Variants in DTNBP1 observed in about 807,000 individuals in gnomAD.
DTNBP1 encodes the protein dysbindin.
DTNBP1 carries 35 observed loss-of-function variants against 42.8 expected under a neutral mutation model. That is an observed-to-expected ratio of 0.82 (90% CI 0.63 to 1.09). DTNBP1 has a LOEUF of 1.09. Among genes scored for constraint, DTNBP1 ranks in the 50% least tolerant of loss-of-function variants. The pLI is 0.00. For missense variants in DTNBP1, 457 were observed against 424.2 expected (o/e 1.08, Z -0.68); for synonymous variants, 171 against 162.2 (o/e 1.05, Z -0.41).
chr6:15,539,284 C>A (rs745551089), intron 7 of DTNBP1, among the ~76,000 whole-genome samples: 1 of 152,178 alleles, frequency 6.6e-6, no homozygotes, highest in African/African-American at 2.4e-5. Flanking sequence ...GTACTGGGTG[C>A]CCTCTCTCCA....
At chr6:15,609,850 T>C (rs1758295556) in intron 6 of DTNBP1, among the ~76,000 whole-genome samples, 1 of 152,216 alleles carries the variant, frequency 6.6e-6, no homozygotes, top group Admixed American at 6.5e-5. Flanking sequence ...CAGACCTAGC[T>C]GTTTCACCAC....
chr6:15,575,767 A>T (rs1303388453), intron 7 of DTNBP1, among the ~76,000 whole-genome samples: 1 of 152,206 alleles, frequency 6.6e-6, no homozygotes, highest in Non-Finnish European at 1.5e-5. Flanking sequence ...TAGATGTGGG[A>T]GGTGCACCTC....
At chr6:15,628,701 C>T (rs1334443451) in intron 4 of DTNBP1, among the ~76,000 whole-genome samples, 1 of 152,098 alleles carries the variant, frequency 6.6e-6, no homozygotes, top group African/African-American at 2.4e-5. Flanking sequence ...GCCACTGTGC[C>T]CGGCCAGGAT....
At chr6:15,654,817 C>A (rs975184697) in intron 1 of DTNBP1, among the ~76,000 whole-genome samples, 1 of 152,142 alleles carries the variant, frequency 6.6e-6, no homozygotes, top group African/African-American at 2.4e-5. Context: ...TTTGAACAAA[C>A]CAACTGTAAA....
intron 7 of DTNBP1, among the ~76,000 whole-genome samples, chr6:15,553,199 G>GAA (rs1774310416): frequency 6.6e-6 from 1 of 152,064 alleles, no homozygotes; most frequent in South Asian, 2.1e-4. Context: ...TTCTCATGAA[G>GAA]GGTTGCAGCC....
chr6:15,648,181 G>A (rs1217205615), intron 3 of DTNBP1, among the ~76,000 whole-genome samples: 5 of 151,966 alleles, frequency 3.3e-5, no homozygotes, highest in African/African-American at 1.2e-4. Flanking sequence ...CTAATTCATG[G>A]AGAAAAGTTA....
At chr6:15,662,450 GC>G (rs1202223764) in intron 1 of DTNBP1, among the ~76,000 whole-genome samples, 2 of 152,328 alleles carry the variant, frequency 1.3e-5, no homozygotes, top group East Asian at 3.9e-4. Context: ...AGGCCACTGT[GC>G]CGCGGGGGCG....
At chr6:15,626,836 CA>C (rs140111194) in intron 5 of DTNBP1, among the ~76,000 whole-genome samples, 3,861 of 152,250 alleles carry the variant, frequency 0.025, 179 homozygotes, top group African/African-American at 0.087. Flanking sequence ...CCTCCTGCCT[CA>C]GTCTCCAGAA....
intron 7 of DTNBP1, among the ~76,000 whole-genome samples, chr6:15,575,236 TAAACA>T (rs1011434629): frequency 2.0e-5 from 3 of 152,222 alleles, no homozygotes; most frequent in African/African-American, 7.2e-5. Context: ...CAAGTCTGAA[TAAACA>T]AAACAAATTT....
At chr6:15,594,530 G>T (rs1164993628) in intron 6 of DTNBP1, among the ~76,000 whole-genome samples, 1 of 151,134 alleles carries the variant, frequency 6.6e-6, no homozygotes, top group Non-Finnish European at 1.5e-5. Context: ...TTTCCCTTCA[G>T]TCAATAATCA....
Position 15,533,720 on chromosome 6 carries a change from C to T in DTNBP1, c.512-325G>A, listed in dbSNP as rs4236167. ...ACCTTCCAAGACCAGCTTCTCAGGTCGTCCTTCTACTAACTCCAGTGGAGT... is the reference window on the plus strand; with the variant it reads ...ACCTTCCAAGACCAGCTTCTCAGGTTGTCCTTCTACTAACTCCAGTGGAGT... On this transcript the variant is annotated intron_variant, in intron 7 of 9. Transcript: ENST00000344537. 0.48 allele frequency: 242,650 copies of T among 503,590 alleles called. 60,715 individuals carry two copies. Among genetic ancestry groups the T allele is most frequent in the East Asian group, 0.63 (11,445 of 18,086 alleles). 31.2% of individuals were successfully genotyped at this position (503,590 alleles called of 1,614,324 possible). A position where few individuals can be genotyped will look rare whatever the true frequency, so the allele number is the denominator to read the frequency against.
chr6:15,574,399 G>C (rs1379397976), intron 7 of DTNBP1, among the ~76,000 whole-genome samples: 1 of 152,214 alleles, frequency 6.6e-6, no homozygotes, highest in Non-Finnish European at 1.5e-5. Flanking sequence ...GGGGAAAGAA[G>C]ACTCTCCTAG....
At chr6:15,595,732 G>A (rs968715984) in intron 6 of DTNBP1, among the ~76,000 whole-genome samples, 2 of 152,194 alleles carry the variant, frequency 1.3e-5, no homozygotes, top group African/African-American at 4.8e-5. Context: ...GTCACAGGCA[G>A]CAGTGACTGT....
intron 5 of DTNBP1, among the ~76,000 whole-genome samples, chr6:15,622,094 T>C (rs1759073579): frequency 6.6e-6 from 1 of 152,206 alleles, no homozygotes; most frequent in Non-Finnish European, 1.5e-5. Flanking sequence ...TAATTTCTGG[T>C]GATAGAATGA....
At position 15,524,596 on chromosome 6, in the gene DTNBP1, CGATAT is replaced by C. The variant is rs766621092; in HGVS notation, c.736_740del (p.Ile246GlyfsTer26). 4 of 1,613,506 alleles carry C rather than the reference CGATAT, an allele frequency of 2.5e-6. No individual in the cohort carries two copies. The South Asian group carries it at 4.4e-5, about 18-fold the overall frequency. On this transcript the variant is annotated frameshift_variant, in exon 9 of 10. Coordinates refer to ENST00000344537, the MANE Select transcript of DTNBP1 (RefSeq NM_032122.5). LOFTEE classifies it high-confidence loss of function. ...GGAAGACGTCCAGGGCCTCCTGGTC[CGATAT>C]GTCCATCAGGTCCATCTGCTCCAGC...
At chr6:15,573,127 C>G (rs1775410553) in intron 7 of DTNBP1, among the ~76,000 whole-genome samples, 1 of 152,106 alleles carries the variant, frequency 6.6e-6, no homozygotes, top group African/African-American at 2.4e-5. Context: ...CCATGTTTAT[C>G]CCCTAAATAG....
chr6:15,543,518 G>A (rs930879368), intron 7 of DTNBP1, among the ~76,000 whole-genome samples: 2 of 152,202 alleles, frequency 1.3e-5, no homozygotes, highest in African/African-American at 4.8e-5. Context: ...GCAGGATACA[G>A]TAAATTCCTC....
chr6:15,562,508 C>A (rs1774889110), intron 7 of DTNBP1, among the ~76,000 whole-genome samples: 1 of 152,116 alleles, frequency 6.6e-6, no homozygotes, highest in Admixed American at 6.5e-5. Flanking sequence ...GCTTAGAAAT[C>A]CCAAATGGAT....
At chr6:15,581,568 C>T (rs370461767) in intron 7 of DTNBP1, among the ~76,000 whole-genome samples, 3 of 146,900 alleles carry the variant, frequency 2.0e-5, no homozygotes, top group East Asian at 4.2e-4. Flanking sequence ...GCAACCTCTG[C>T]CTCCCAGGTT....
Sources: allele counts gnomAD v4.1 joint callset (sites outside exome capture counted in the v4.1 genomes callset), GRCh38; gene constraint gnomAD v4.1.1; transcripts MANE v1.5; gene names NCBI Gene and HGNC (gene_info 2026-07-23, HGNC 2026-07-21).